RBFOX1: variants seen among roughly 807,000 people sequenced by gnomAD.
RBFOX1 encodes the protein RNA binding fox-1 homolog 1.
RBFOX1 carries 8 observed loss-of-function variants against 57.7 expected under a neutral mutation model. The ratio of observed to expected loss-of-function variants is 0.14; its 90% confidence interval spans 0.08 to 0.25. The LOEUF (loss-of-function observed/expected upper bound fraction) is 0.25, where lower values mean the gene tolerates loss of function less well. Among genes scored for constraint, RBFOX1 ranks in the 10% least tolerant of loss-of-function variants. The probability of loss-of-function intolerance (pLI) is 1.00; values close to 1 mark genes in which losing one functional copy is unlikely to be tolerated. For synonymous variants in RBFOX1, 326 were observed against 222.4 expected (o/e 1.47, Z -4.15); for missense variants, 611 against 548.5 (o/e 1.11, Z -1.14).
In RBFOX1 at chr16:5,709,351, C is replaced by G. The variant is rs185752818; in HGVS notation, c.318+110390C>G. ...AGGAATGGTTCTTCTGTTCTTTGAT[C>G]AGTGAGCATGTGCCTGAATATGACC... On this transcript the variant is annotated intron_variant, in intron 3 of 19. Coordinates refer to the RBFOX1 transcript ENST00000641259. 3.1e-4 allele frequency among the ~76,000 whole-genome samples: 47 copies of G among 152,296 alleles called. No individual in the cohort carries two copies. The East Asian group carries it at 7.4e-3, about 24-fold the overall frequency.
intron 3 of RBFOX1, among the ~76,000 whole-genome samples, chr16:6,834,933 C>T (rs892419971): frequency 4.7e-5 from 7 of 148,210 alleles, no homozygotes; most frequent in Non-Finnish European, 8.9e-5. Flanking sequence ...CGCTCTGTTG[C>T]CCAGGCTGGA....
At chr16:7,492,908 T>G (rs1313064084) in intron 4 of RBFOX1, among the ~76,000 whole-genome samples, 1 of 152,126 alleles carries the variant, frequency 6.6e-6, no homozygotes, top group African/African-American at 2.4e-5. Flanking sequence ...CCTCTCTTTT[T>G]TGAGACGTCC....
chr16:7,445,200 T>A (rs1033467190), intron 4 of RBFOX1, among the ~76,000 whole-genome samples: 2 of 152,188 alleles, frequency 1.3e-5, no homozygotes, highest in East Asian at 1.9e-4. Flanking sequence ...CAAAGGAAAG[T>A]TGGTAATATT....
rs79863688 is a variant in RBFOX1 at position 7,198,755 on chromosome 16, G to C, written c.27+146657G>C. Among the ~76,000 whole-genome samples the C allele has an allele frequency of 2.8e-3, 420 of 152,312 alleles. 3 individuals are homozygous for C. Among genetic ancestry groups the C allele is most frequent in the African/African-American group, 9.6e-3 (400 of 41,570 alleles). On this transcript the variant is annotated intron_variant, in intron 4 of 15. Coordinates refer to ENST00000550418, the MANE Select transcript of RBFOX1 (RefSeq NM_018723.4). ...CTTTATTCGTGAAAGTGGAGTTCTC[G>C]TAATCTAATCACCTCTTACTGGGCC...
At chr16:5,828,475 G>A (rs942606895) in intron 3 of RBFOX1, among the ~76,000 whole-genome samples, 12 of 152,234 alleles carry the variant, frequency 7.9e-5, no homozygotes, top group African/African-American at 1.2e-4. Flanking sequence ...CGAGGTGGGC[G>A]GATCGCGAGG....
At position 6,806,639 on chromosome 16, in the gene RBFOX1, C is replaced by T. The variant is rs74007082; in HGVS notation, c.-16+151989C>T. Among the ~76,000 whole-genome samples the T allele has an allele frequency of 7.0e-3, 1,053 of 151,490 alleles. 12 individuals are homozygous for T. The highest frequency in any genetic ancestry group is 0.024 in the African/African-American group (994 of 41,330). ...TTTTAAAACATGTCTTTTACCTACACGCGGTAACAGATTTGTATTATATGC... is the reference window on the plus strand; with the variant it reads ...TTTTAAAACATGTCTTTTACCTACATGCGGTAACAGATTTGTATTATATGC... On this transcript the variant is annotated intron_variant, in intron 3 of 15. Coordinates refer to ENST00000550418, the MANE Select transcript of RBFOX1 (RefSeq NM_018723.4).
chr16:6,552,607 A>T (rs1424047208), intron 2 of RBFOX1, among the ~76,000 whole-genome samples: 1 of 152,168 alleles, frequency 6.6e-6, no homozygotes, highest in African/African-American at 2.4e-5. Flanking sequence ...TTGAGGTTTG[A>T]TTCATCATTC....
intron 3 of RBFOX1, among the ~76,000 whole-genome samples, chr16:5,864,089 G>C (rs986887101): frequency 2.0e-5 from 3 of 152,054 alleles, no homozygotes; most frequent in Admixed American, 6.6e-5. Flanking sequence ...ATTGTGTATT[G>C]TTCCTTTCTA....
intron 3 of RBFOX1, among the ~76,000 whole-genome samples, chr16:7,035,038 G>C (rs1374568089): frequency 6.6e-6 from 1 of 151,094 alleles, no homozygotes; most frequent in Admixed American, 6.6e-5. Context: ...ATTAGAGACA[G>C]GGTTTTACAT....
intron 2 of RBFOX1, among the ~76,000 whole-genome samples, chr16:5,495,712 G>T (rs907651397): frequency 1.3e-5 from 2 of 152,236 alleles, no homozygotes; most frequent in African/African-American, 2.4e-5. Context: ...ACACCCATCA[G>T]TACCAGGACA....
intron 4 of RBFOX1, among the ~76,000 whole-genome samples, chr16:7,112,104 T>C (rs777187500): frequency 6.6e-6 from 1 of 152,210 alleles, no homozygotes; most frequent in African/African-American, 2.4e-5. Context: ...TATCCTGTGA[T>C]CTTATGCGTT....
Position 5,555,987 on chromosome 16 carries a change from C to T in RBFOX1, c.259-42915C>T, listed in dbSNP as rs990966891. Among the ~76,000 whole-genome samples, 11 of 152,118 alleles carry T rather than the reference C, an allele frequency of 7.2e-5. 1 individual carries two copies. Among genetic ancestry groups the T allele is most frequent in the Non-Finnish European group, 1.6e-4 (11 of 68,044 alleles). Reference sequence around the variant, plus strand: ...AGCGAGCTGAGGTCATGCCATTGCACTCCAGCCTGGGCAAGAGAGTGAGAC... The same window carrying T: ...AGCGAGCTGAGGTCATGCCATTGCATTCCAGCCTGGGCAAGAGAGTGAGAC... On this transcript the variant is annotated intron_variant, in intron 2 of 2. Coordinates refer to the RBFOX1 transcript ENST00000585867.
At chr16:7,564,540 C>CAAAAAAAAAAAAAAAAAAAAAA (rs5815409) in intron 5 of RBFOX1, among the ~76,000 whole-genome samples, 1 of 82,518 alleles carries the variant, frequency 1.2e-5, no homozygotes, top group African/African-American at 9.6e-5. Context: ...GACTCCATCT[C>CAAAAAAAAAAAAAAAAAAAAAA]AAAAAAAAAA....
intron 1 of RBFOX1, among the ~76,000 whole-genome samples, chr16:5,463,062 A>G (rs1244675172): frequency 7.2e-5 from 11 of 152,224 alleles, no homozygotes; most frequent in Non-Finnish European, 1.3e-4. Context: ...GTGTATGTAT[A>G]TATACATAGA....
At chr16:6,545,528 G>A (rs1463277217) in intron 2 of RBFOX1, among the ~76,000 whole-genome samples, 1 of 152,124 alleles carries the variant, frequency 6.6e-6, no homozygotes, top group Non-Finnish European at 1.5e-5. Flanking sequence ...CACTTGGCAA[G>A]GTCCACTCTT....
At chr16:7,201,914 C>G (rs758638254) in intron 4 of RBFOX1, among the ~76,000 whole-genome samples, 4 of 152,050 alleles carry the variant, frequency 2.6e-5, no homozygotes, top group Non-Finnish European at 4.4e-5. Flanking sequence ...AGGAGATGTA[C>G]GAGGGATTTA....
chr16:5,243,389 G>T (rs923514624), intron 1 of RBFOX1, among the ~76,000 whole-genome samples: 2 of 152,170 alleles, frequency 1.3e-5, no homozygotes, highest in Non-Finnish European at 2.9e-5. Context: ...TCAGCCTGGG[G>T]CTCCTGTAGA....
intron 4 of RBFOX1, among the ~76,000 whole-genome samples, chr16:7,432,224 C>T (rs1266354973): frequency 6.6e-6 from 1 of 152,174 alleles, no homozygotes; most frequent in Non-Finnish European, 1.5e-5. Flanking sequence ...AGTTTTCATC[C>T]TTGTCTTAAA....
chr16:6,428,864 G>A (rs2094001005), intron 2 of RBFOX1, among the ~76,000 whole-genome samples: 3 of 152,192 alleles, frequency 2.0e-5, no homozygotes, highest in Admixed American at 1.3e-4. Context: ...GGCTGTGATT[G>A]TTTGTTTTAC....
Sources: allele counts gnomAD v4.1 joint callset (sites outside exome capture counted in the v4.1 genomes callset), GRCh38; gene constraint gnomAD v4.1.1; transcripts MANE v1.5; gene names NCBI Gene and HGNC (gene_info 2026-07-23, HGNC 2026-07-21).